Variants in LTA observed in about 807,000 individuals in gnomAD.
The protein encoded by LTA is lymphotoxin-alpha.
LTA carries 6 observed loss-of-function variants against 15.1 expected under a neutral mutation model. The ratio of observed to expected loss-of-function variants is 0.40; its 90% confidence interval spans 0.22 to 0.78. The LOEUF (loss-of-function observed/expected upper bound fraction) is 0.78. Ranked by LOEUF, LTA falls within the 30% of genes least tolerant of loss-of-function variation. The pLI is 0.38. For synonymous variants in LTA, 87 were observed against 107.3 expected, an observed-to-expected ratio of 0.81 and a Z score of 1.17; for missense variants, 173 against 249.5, an observed-to-expected ratio of 0.69 and a Z score of 2.06.
intron 1 of LTA, 22 bp from the exon 2 acceptor site, chr6:31,572,712 C>A: frequency 6.5e-7 from 1 of 1,541,904 alleles, no homozygotes; most frequent in South Asian, 1.1e-5. Flanking sequence ...CTGTCTCTCT[C>A]TCTCTCTCTC....
chr6:31,565,387 A>G, the LTA span, among the ~76,000 whole-genome samples: 1 of 152,208 alleles, frequency 6.6e-6, no homozygotes, highest in Admixed American at 6.5e-5. Context: ...TGGAGAGTTT[A>G]GCTTCTAGGA....
intron 3 of LTA, 114 bp from the exon 4 acceptor site, chr6:31,573,167 C>T: frequency 8.3e-7 from 1 of 1,210,012 alleles, no homozygotes; most frequent in Non-Finnish European, 1.2e-6. Context: ...CACTCCTATG[C>T]CTCCCCCTGC....
In LTA at chr6:31,573,053, C is replaced by T; in HGVS notation, c.205+20C>T. On this transcript the variant is annotated intron_variant, in intron 3 of 3. Coordinates refer to ENST00000418386, the MANE Select transcript of LTA (RefSeq NM_000595.4). ...TCATTGGTAAACATCCACCTGACCT[C>T]CCAGACATGTCCCCACCAGCTCTCC... 1.9e-6 allele frequency: 3 copies of T among 1,587,666 alleles called. No individual in the cohort carries two copies. The highest frequency in any genetic ancestry group is 2.2e-5 in the South Asian group (2 of 90,496).
At chr6:31,567,823 GTC>G (rs1399137239), upstream of LTA, among the ~76,000 whole-genome samples, 1 of 151,714 alleles carries the variant, frequency 6.6e-6, no homozygotes, top group Non-Finnish European at 1.5e-5. Flanking sequence ...CCGCCTCCCA[GTC>G]TCTCTCTCTG....
At chr6:31,570,396 A>G (rs943069661), upstream of LTA, among the ~76,000 whole-genome samples, 1 of 152,190 alleles carries the variant, frequency 6.6e-6, no homozygotes, top group Admixed American at 6.5e-5. Context: ...CCCATGCAAC[A>G]GTGGGCTTTA....
At chr6:31,562,701 C>G in the LTA span, among the ~76,000 whole-genome samples, 10 of 151,818 alleles carry the variant, frequency 6.6e-5, no homozygotes, top group African/African-American at 2.4e-4. Flanking sequence ...CGCATCTCTA[C>G]GAAAGATACA....
the LTA span, among the ~76,000 whole-genome samples, chr6:31,562,710 C>G: frequency 6.6e-6 from 1 of 151,802 alleles, no homozygotes; most frequent in Non-Finnish European, 1.5e-5. Context: ...ACGAAAGATA[C>G]AAAAATTAGC....
Position 31,572,729 on chromosome 6 carries a change from T to C in LTA, c.-9-5T>C, listed in dbSNP as rs749972704. 4 of 1,591,230 alleles carry C rather than the reference T, an allele frequency of 2.5e-6. No homozygotes were observed. Among genetic ancestry groups the C allele is most frequent in the South Asian group, 2.2e-5 (2 of 90,688 alleles). ...GTCTCTCTCTCTCTCTCTCTTTCTC[T>C]GCAGGTTCTCCCCATGACACCACCT... On this transcript the variant is annotated splice_polypyrimidine_tract_variant and splice_region_variant and intron_variant, in intron 1 of 3. Coordinates refer to ENST00000418386, the MANE Select transcript of LTA (RefSeq NM_000595.4).
At chr6:31,565,952 G>A in the LTA span, among the ~76,000 whole-genome samples, 2 of 152,086 alleles carry the variant, frequency 1.3e-5, no homozygotes, top group Admixed American at 6.5e-5. Context: ...GGCCGAGGTG[G>A]GTGGATCACG....
chr6:31,565,233 A>G, the LTA span, among the ~76,000 whole-genome samples: 1 of 152,180 alleles, frequency 6.6e-6, no homozygotes, highest in African/African-American at 2.4e-5. Flanking sequence ...CCAGAGGAAA[A>G]TGCTTTCAAA....
At chr6:31,570,486 T>G (rs1403247487), upstream of LTA, among the ~76,000 whole-genome samples, 1 of 152,188 alleles carries the variant, frequency 6.6e-6, no homozygotes, top group Non-Finnish European at 1.5e-5. Flanking sequence ...TAATAATATT[T>G]GAGGTGACAA....
In LTA at chr6:31,574,198, A is replaced by G. The variant is rs1476819126; in HGVS notation, c.*505A>G. On this transcript the variant is annotated 3_prime_UTR_variant, in exon 4 of 4. Coordinates refer to ENST00000418386, the MANE Select transcript of LTA (RefSeq NM_000595.4). ...CACAAGGCTGACCAAGAGAGAAAGA[A>G]GTAGGCATGAGGGATCACAGGGCCC... is the stretch of plus-strand genomic sequence containing the variant. 1 of 222,308 alleles carries G rather than the reference A, an allele frequency of 4.5e-6. No individual in the cohort carries two copies. Among genetic ancestry groups the G allele is most frequent in the Non-Finnish European group, 9.1e-6 (1 of 109,310 alleles). 13.8% of individuals were successfully genotyped at this position (222,308 alleles called of 1,614,324 possible). A position where few individuals can be genotyped will look rare whatever the true frequency, so the allele number is the denominator to read the frequency against.
chr6:31,570,638 A>G (rs559143709), upstream of LTA, among the ~76,000 whole-genome samples: 33 of 152,308 alleles, frequency 2.2e-4, 1 homozygote, highest in African/African-American at 7.2e-4. Flanking sequence ...TGTTAGACAA[A>G]AACTAGAAAC....
upstream of LTA, among the ~76,000 whole-genome samples, chr6:31,571,335 C>T (rs969340145): frequency 2.6e-5 from 4 of 152,150 alleles, no homozygotes; most frequent in Admixed American, 2.0e-4. Context: ...GCCAGGATTA[C>T]AGGTGTGAGC....
chr6:31,564,738 T>C, the LTA span, among the ~76,000 whole-genome samples: 1 of 87,532 alleles, frequency 1.1e-5, no homozygotes, highest in African/African-American at 5.2e-5. Context: ...AAACCCTATC[T>C]CTGGAAAAAA....
chr6:31,572,762 T>C lies in LTA; in HGVS notation c.20T>C (p.Leu7Pro). 6.2e-7 allele frequency: 1 copy of C among 1,609,966 alleles called. No homozygotes were observed. The change falls in exon 2 of 4, where the codon CTC (leucine) becomes CCC (proline). Residue 7 changes from leucine to proline, a missense_variant. Transcript: ENST00000418386. MTPPERLFLPRVCGTTL... is the reference protein window; with the variant it reads MTPPERPFLPRVCGTTL... ...CTCCCCATGACACCACCTGAACGTC[T>C]CTTCCTCCCAAGGGTGTGTGGCACC... is the stretch of plus-strand genomic sequence containing the variant.
At chr6:31,573,244 C>T (rs770588788) in intron 3 of LTA, 37 bp from the exon 4 acceptor site, 2 of 1,581,738 alleles carry the variant, frequency 1.3e-6, no homozygotes, top group East Asian at 4.5e-5. Flanking sequence ...ATCCAGACCC[C>T]TGATCTCCCA....
chr6:31,564,871 G>A, the LTA span, among the ~76,000 whole-genome samples: 2 of 152,038 alleles, frequency 1.3e-5, no homozygotes, highest in African/African-American at 4.8e-5. Flanking sequence ...CCAAGATCAC[G>A]CCACTGCACT....
intron 3 of LTA, 98 bp from the exon 4 acceptor site, chr6:31,573,183 C>A: frequency 7.5e-7 from 1 of 1,335,078 alleles, no homozygotes; most frequent in East Asian, 2.4e-5. Flanking sequence ...CCTGCCATCC[C>A]CCAGGAACTC....
Sources: gnomAD v4.1 joint callset for allele counts (sites outside exome capture counted in the v4.1 genomes callset) on GRCh38, gnomAD v4.1.1 for gene constraint, MANE v1.5 for transcripts, NCBI Gene and HGNC (gene_info 2026-07-23, HGNC 2026-07-21) for gene names.